The following EPS15 variants were observed in gnomAD, a reference collection of about 807,000 sequenced individuals.
EPS15 encodes the protein epidermal growth factor receptor pathway substrate 15.
A neutral mutation model predicts 113.8 loss-of-function variants in EPS15; 72 were observed. The observed-to-expected ratio is 0.63, with a 90% CI of 0.52 to 0.77. The LOEUF is 0.77. Among genes scored for constraint, EPS15 ranks in the 30% least tolerant of loss-of-function variants. EPS15 has a pLI of 0.00. For missense variants in EPS15, 1,048 were observed against 1,045.8 expected, an observed-to-expected ratio of 1.00 and a Z score of -0.03; for synonymous variants, 344 against 363.4, an observed-to-expected ratio of 0.95 and a Z score of 0.61.
Position 51,406,024 on chromosome 1 carries a change from C to T in EPS15, c.1558G>A (p.Val520Ile). ...NWCSSPHSIL[V>I]NGATDYCSLS... The stretch of plus-strand genomic sequence containing the variant: ...CTGCAATAATCTGTAGCTCCGTTTA[C>T]AAGAATGCTGTGTGGGCTACTGCAC... The change falls in exon 16 of 25, where the codon GTA becomes ATA. Residue 520 changes from valine to isoleucine, a missense_variant. Val to Ile is a conservative substitution (Grantham distance 29, BLOSUM62 3). Coordinates refer to ENST00000371733, the MANE Select transcript of EPS15 (RefSeq NM_001981.3). The T allele has an allele frequency of 6.2e-7, 1 of 1,614,150 alleles. No homozygotes were observed. Among genetic ancestry groups the T allele is most frequent in the Non-Finnish European group, 8.5e-7 (1 of 1,180,012 alleles).
At chr1:51,481,095 C>T (rs1644012707) in intron 2 of EPS15, among the ~76,000 whole-genome samples, 178 bp downstream of exon 2, 1 of 152,122 alleles carries the variant, frequency 6.6e-6, no homozygotes, top group Non-Finnish European at 1.5e-5. Flanking sequence ...ATTATCTTTC[C>T]TTCATTTCTC....
At chr1:51,434,741 G>A (rs150349993) in intron 12 of EPS15, among the ~76,000 whole-genome samples, 60 of 152,170 alleles carry the variant, frequency 3.9e-4, no homozygotes, top group Non-Finnish European at 8.2e-4. Flanking sequence ...GCGTAATCTC[G>A]GCTCACCGTA....
intron 1 of EPS15, among the ~76,000 whole-genome samples, chr1:51,502,542 A>T (rs1644430673): frequency 6.6e-6 from 1 of 152,188 alleles, no homozygotes; most frequent in Non-Finnish European, 1.5e-5. Context: ...GGGAGGAAGT[A>T]AATCTGTATT....
In EPS15 at chr1:51,402,627, G is replaced by GA. The variant is rs977589441; in HGVS notation, c.1792-103dup. On this transcript the variant is annotated intron_variant, in intron 17 of 24. Transcript: ENST00000371733. ...CACATTCAGGTCATACACATGCTTT[G>GA]AAAAATCAACTGATGGGCCAGGCAC... 32 of 610,008 alleles carry GA rather than the reference G, an allele frequency of 5.2e-5. No individual in the cohort carries two copies. The East Asian group carries it at 9.3e-4, about 18-fold the overall frequency. 37.8% of individuals were successfully genotyped at this position (610,008 alleles called of 1,614,324 possible). A position where few individuals can be genotyped will look rare whatever the true frequency, so the allele number is the denominator to read the frequency against.
At chr1:51,362,484 TA>T in intron 23 of EPS15, among the ~76,000 whole-genome samples, 1 of 152,164 alleles carries the variant, frequency 6.6e-6, no homozygotes, top group Non-Finnish European at 1.5e-5. Flanking sequence ...ACTTAAGATT[TA>T]AAAAAACAAC....
chr1:51,397,685 C>T (rs17106546), intron 20 of EPS15, among the ~76,000 whole-genome samples: 8,853 of 152,194 alleles, frequency 0.058, 818 homozygotes, highest in African/African-American at 0.2. Context: ...ATGGAAAACA[C>T]CAGTTCTTAG....
At chr1:51,497,819 A>G (rs946862067) in intron 1 of EPS15, among the ~76,000 whole-genome samples, 1 of 152,068 alleles carries the variant, frequency 6.6e-6, no homozygotes, top group Non-Finnish European at 1.5e-5. Context: ...TCTACTAAAA[A>G]TACAAAAATT....
intron 1 of EPS15, among the ~76,000 whole-genome samples, chr1:51,485,781 T>A (rs1203722570): frequency 6.6e-6 from 1 of 152,160 alleles, no homozygotes; most frequent in East Asian, 1.9e-4. Flanking sequence ...TATTTTGGAA[T>A]GAATTTTAGA....
chr1:51,471,582 A>C (rs1655241301), intron 4 of EPS15, 108 bp downstream of exon 4: 1 of 843,604 alleles, frequency 1.2e-6, no homozygotes, highest in Non-Finnish European at 2.0e-6. Context: ...GCAAAACTCT[A>C]ATGTTGGTAA....
In EPS15 at chr1:51,440,279, G is replaced by C. The variant is rs72910263; in HGVS notation, c.1040+68C>G. ...AGTTGTATACATATATACATGTACT[G>C]TGTGTGTGTGTGTGTGTGTGTGTGT... On this transcript the variant is annotated intron_variant, in intron 12 of 24. Transcript: ENST00000371733. 8.0e-3 allele frequency: 1,080 copies of C among 135,572 alleles called. 5 individuals are homozygous for C. In the African/African-American group the frequency reaches 0.1, roughly 13 times the overall value. The allele number at this position is 135,572 out of a possible 1,614,324, so 8.4% of individuals were successfully genotyped here.
chr1:51,400,870 T>C (rs781212623), intron 19 of EPS15, 48 bp downstream of exon 19: 1 of 1,312,378 alleles, frequency 7.6e-7, no homozygotes, highest in Non-Finnish European at 1.1e-6. Context: ...AGCTTATTAT[T>C]AAGCAGAAAT....
At position 51,447,048 on chromosome 1, in the gene EPS15, T is replaced by G. The variant is rs1440066079; in HGVS notation, c.709A>C (p.Lys237Gln). 1 of 1,613,758 alleles carries G rather than the reference T, an allele frequency of 6.2e-7. No individual in the cohort carries two copies. The highest frequency in any genetic ancestry group is 2.2e-5 in the East Asian group (1 of 44,838). The change falls in exon 10 of 25, where the codon AAA (lysine) becomes CAA (glutamine). Residue 237 changes from lysine (K) to glutamine (Q), a missense_variant. Transcript: ENST00000371733. ...CCAGACACAAATCCGTCCATATCTT[T>G]ATCAGTTTTCAGGAAGATTTCATCA... Reference protein sequence around the residue: ...KYDEIFLKTDKDMDGFVSGLE... With the variant: ...KYDEIFLKTDQDMDGFVSGLE...
At chr1:51,482,160 A>G (rs1190696529) in intron 1 of EPS15, among the ~76,000 whole-genome samples, 1 of 152,010 alleles carries the variant, frequency 6.6e-6, no homozygotes, top group Non-Finnish European at 1.5e-5. Context: ...ACAGACTGAG[A>G]CCCTGTCTCA....
At chr1:51,447,545 G>C (rs1051684692) in intron 9 of EPS15, among the ~76,000 whole-genome samples, 1 of 151,762 alleles carries the variant, frequency 6.6e-6, no homozygotes, top group Non-Finnish European at 1.5e-5. Context: ...TCTGACAAGA[G>C]GCAGGCTGGG....
intron 13 of EPS15, among the ~76,000 whole-genome samples, chr1:51,415,192 C>T (rs1650092152): frequency 6.6e-6 from 1 of 152,146 alleles, no homozygotes; most frequent in South Asian, 2.1e-4. Flanking sequence ...GCCACTTAAA[C>T]ACAACCTCAA....
chr1:51,481,863 T>C lies in EPS15; in HGVS notation c.34-549A>G, dbSNP rs148082764. 9.2e-3 allele frequency among the ~76,000 whole-genome samples: 1,398 copies of C among 152,328 alleles called. 12 individuals are homozygous for C. The highest frequency in any genetic ancestry group is 0.02 in the Middle Eastern group (6 of 294). On this transcript the variant is annotated intron_variant, in intron 1 of 24. Coordinates refer to ENST00000371733, the MANE Select transcript of EPS15 (RefSeq NM_001981.3). ...CTTGGTCAGCTTATGAACAGACTCA[T>C]CTGAAATTCAATGTTTGAAGGATCG...
At chr1:51,402,272 A>G (rs973200440) in intron 18 of EPS15, among the ~76,000 whole-genome samples, 163 bp downstream of exon 18, 50 of 147,252 alleles carry the variant, frequency 3.4e-4, no homozygotes, top group African/African-American at 1.3e-3. Context: ...GCTTGAACCC[A>G]GGAGGCGGAG....
intron 18 of EPS15, 113 bp from the exon 19 acceptor site, chr1:51,401,066 C>A: frequency 1.6e-6 from 1 of 626,752 alleles, no homozygotes; most frequent in Non-Finnish European, 2.8e-6. Flanking sequence ...TCAATAACTT[C>A]ACTTCACAGT....
intron 21 of EPS15, among the ~76,000 whole-genome samples, chr1:51,377,717 G>A (rs1646833904): frequency 6.6e-6 from 1 of 151,994 alleles, no homozygotes. Flanking sequence ...AAAAGAAATC[G>A]TACAGGAAAG....
Sources: allele counts gnomAD v4.1 joint callset (sites outside exome capture counted in the v4.1 genomes callset), GRCh38; gene constraint gnomAD v4.1.1; transcripts MANE v1.5; gene names NCBI Gene and HGNC (gene_info 2026-07-23, HGNC 2026-07-21).